The following TAFA1 variants were observed in gnomAD, a reference collection of about 807,000 sequenced individuals.
TAFA1 encodes the protein TAFA chemokine like family member 1, also known as chemokine-like protein TAFA-1.
A neutral mutation model predicts 18.5 loss-of-function variants in TAFA1; 4 were observed. The ratio of observed to expected loss-of-function variants is 0.22; its 90% confidence interval spans 0.11 to 0.49. The LOEUF (loss-of-function observed/expected upper bound fraction) is 0.49, where lower values mean the gene tolerates loss of function less well. Ranked by LOEUF, TAFA1 falls within the 20% of genes least tolerant of loss-of-function variation. The pLI is 0.98. For missense variants in TAFA1, 147 were observed against 169.0 expected, an observed-to-expected ratio of 0.87 and a Z score of 0.72; for synonymous variants, 56 against 55.2, an observed-to-expected ratio of 1.01 and a Z score of -0.06.
intron 2 of TAFA1, among the ~76,000 whole-genome samples, chr3:68,289,952 C>A (rs1176230397): frequency 6.6e-6 from 1 of 152,122 alleles, no homozygotes; most frequent in African/African-American, 2.4e-5. Context: ...AGCAAGTAAG[C>A]GGTAGAACTA....
intron 2 of TAFA1, among the ~76,000 whole-genome samples, chr3:68,260,369 T>C (rs1346601618): frequency 1.3e-5 from 2 of 152,168 alleles, no homozygotes; most frequent in Non-Finnish European, 2.9e-5. Context: ...TTTGCATCAA[T>C]GTTCATCAAG....
At chr3:68,075,980 A>AAT (rs2064818493) in intron 2 of TAFA1, among the ~76,000 whole-genome samples, 4 of 152,234 alleles carry the variant, frequency 2.6e-5, no homozygotes, top group Admixed American at 6.5e-5. Flanking sequence ...TACAGGCATT[A>AAT]GCCTCTGTGC....
At chr3:68,292,475 T>A (rs1174262475) in intron 2 of TAFA1, among the ~76,000 whole-genome samples, 1 of 152,082 alleles carries the variant, frequency 6.6e-6, no homozygotes, top group Non-Finnish European at 1.5e-5. Flanking sequence ...GATTTTCATT[T>A]ACATATGTTT....
intron 3 of TAFA1, among the ~76,000 whole-genome samples, chr3:68,494,516 A>C (rs1433800553): frequency 1.3e-5 from 2 of 152,176 alleles, no homozygotes; most frequent in Non-Finnish European, 2.9e-5. Context: ...TGTGGCCTGA[A>C]AGTTCTAGAT....
chr3:68,386,768 A>G (rs1250786503), intron 2 of TAFA1, among the ~76,000 whole-genome samples: 3 of 152,108 alleles, frequency 2.0e-5, no homozygotes, highest in Non-Finnish European at 4.4e-5. Context: ...AGCTTATAGA[A>G]ACGTGTGTAG....
intron 2 of TAFA1, among the ~76,000 whole-genome samples, chr3:68,076,659 A>T (rs1459207003): frequency 6.6e-6 from 1 of 152,290 alleles, no homozygotes; most frequent in East Asian, 1.9e-4. Context: ...ATGGCTGTAT[A>T]GTATTCCATG....
Position 68,474,616 on chromosome 3 carries a change from G to A in TAFA1, c.259+57196G>A, listed in dbSNP as rs2202975. ...TGGTTGTCAAAAGAACCAAGTTTAC[G>A]TGAGAGTATAGCAGGTGCTGCATCT... On this transcript the variant is annotated intron_variant, in intron 3 of 4. Coordinates refer to ENST00000478136, the MANE Select transcript of TAFA1 (RefSeq NM_213609.4). 1.1e-4 allele frequency among the ~76,000 whole-genome samples: 16 copies of A among 152,332 alleles called. No homozygotes were observed. In the East Asian group the frequency reaches 2.5e-3, roughly 24 times the overall value.
intron 2 of TAFA1, among the ~76,000 whole-genome samples, chr3:68,132,897 A>C (rs1399793795): frequency 6.6e-6 from 1 of 152,064 alleles, no homozygotes; most frequent in Non-Finnish European, 1.5e-5. Flanking sequence ...CCATTTGTCA[A>C]TTTTGGCTTT....
At chr3:68,310,553 T>C (rs1014550122) in intron 2 of TAFA1, among the ~76,000 whole-genome samples, 7 of 152,208 alleles carry the variant, frequency 4.6e-5, no homozygotes, top group African/African-American at 1.7e-4. Context: ...TTCATATTCA[T>C]ATTCATTACA....
intron 2 of TAFA1, among the ~76,000 whole-genome samples, chr3:68,212,973 G>A (rs1007593742): frequency 1.3e-5 from 2 of 151,674 alleles, no homozygotes; most frequent in Non-Finnish European, 2.9e-5. Context: ...ACATTCCCTC[G>A]CGTTAACCCT....
intron 2 of TAFA1, among the ~76,000 whole-genome samples, chr3:68,167,243 C>T (rs922581966): frequency 2.6e-5 from 4 of 152,134 alleles, no homozygotes; most frequent in Admixed American, 1.3e-4. Flanking sequence ...CTCCAGTTCT[C>T]AAAGTTTTGT....
chr3:68,180,104 T>C (rs1348719992), intron 2 of TAFA1, among the ~76,000 whole-genome samples: 2 of 151,270 alleles, frequency 1.3e-5, no homozygotes, highest in Non-Finnish European at 2.9e-5. Context: ...CTGGGCTCAC[T>C]GCAACCTCCA....
chr3:68,382,136 G>C (rs1441132028), intron 2 of TAFA1, among the ~76,000 whole-genome samples: 1 of 152,126 alleles, frequency 6.6e-6, no homozygotes, highest in African/African-American at 2.4e-5. Flanking sequence ...AGCCCACTTG[G>C]TCGTGTTGGA....
At chr3:68,099,499 G>A (rs1033611286) in intron 2 of TAFA1, among the ~76,000 whole-genome samples, 1 of 151,876 alleles carries the variant, frequency 6.6e-6, no homozygotes, top group African/African-American at 2.4e-5. Flanking sequence ...AAAAGTCAAA[G>A]ACAACAGGTG....
At chr3:68,054,150 C>G (rs528790560) in intron 2 of TAFA1, among the ~76,000 whole-genome samples, 105 of 152,262 alleles carry the variant, frequency 6.9e-4, no homozygotes, top group African/African-American at 2.5e-3. Context: ...CTTGTCCCTT[C>G]CAAATTTCAC....
chr3:68,180,574 A>C (rs2066186001), intron 2 of TAFA1, among the ~76,000 whole-genome samples: 1 of 152,238 alleles, frequency 6.6e-6, no homozygotes, highest in Non-Finnish European at 1.5e-5. Flanking sequence ...GCCAGTTGAC[A>C]AAAGTCAGTA....
intron 2 of TAFA1, among the ~76,000 whole-genome samples, chr3:68,100,415 T>C (rs925940747): frequency 6.6e-6 from 1 of 151,932 alleles, no homozygotes; most frequent in Non-Finnish European, 1.5e-5. Flanking sequence ...ACTTGAGAGG[T>C]GGAGGTTGCA....
At chr3:68,202,695 C>A (rs557343960) in intron 2 of TAFA1, among the ~76,000 whole-genome samples, 1 of 151,686 alleles carries the variant, frequency 6.6e-6, no homozygotes, top group East Asian at 2.0e-4. Context: ...ATACTAATTT[C>A]TTCCTCCCAT....
intron 3 of TAFA1, among the ~76,000 whole-genome samples, chr3:68,436,092 G>A (rs1318181469): frequency 6.6e-6 from 1 of 152,168 alleles, no homozygotes; most frequent in South Asian, 2.1e-4. Flanking sequence ...GGGGAATAAG[G>A]TAGAATGGAT....
Sources: gnomAD v4.1 joint callset for allele counts (sites outside exome capture counted in the v4.1 genomes callset) on GRCh38, gnomAD v4.1.1 for gene constraint, MANE v1.5 for transcripts, NCBI Gene and HGNC (gene_info 2026-07-23, HGNC 2026-07-21) for gene names.